Variants in ADPRHL1 observed in about 807,000 individuals in gnomAD.
The protein encoded by ADPRHL1 is ADP-ribosylhydrolase like 1.
ADPRHL1 carries 43 observed loss-of-function variants against 44.1 expected under a neutral mutation model. The ratio of observed to expected loss-of-function variants is 0.98; its 90% CI spans 0.76 to 1.26. The LOEUF is 1.26. Among genes scored for constraint, ADPRHL1 ranks in the 50% most tolerant of loss-of-function variants. The probability of loss-of-function intolerance (pLI) is 0.00; values close to 1 mark genes in which losing one functional copy is unlikely to be tolerated. For missense variants in ADPRHL1, 2,022 were observed against 2,496.9 expected (o/e 0.81, Z 4.05); for synonymous variants, 878 against 1,017.4 (o/e 0.86, Z 2.61).
At chr13:113,449,841 A>T (rs928106191) in intron 1 of ADPRHL1, among the ~76,000 whole-genome samples, 9 of 152,024 alleles carry the variant, frequency 5.9e-5, no homozygotes, top group Admixed American at 2.6e-4. Flanking sequence ...CCGTGATCTC[A>T]GCAGTCAGGG....
rs1316668691 is a variant in ADPRHL1, at chr13:113,400,752, T to A, written c.*2626A>T. ...TGCTGTTTTTGAGCTGAGGGCAGTG[T>A]CATGCTGGGCTGCATCTGGCACATG... On this transcript the variant is annotated 3_prime_UTR_variant, in exon 8 of 8. Coordinates refer to ENST00000612156, the MANE Select transcript of ADPRHL1 (RefSeq NM_001394807.1). The A allele has an allele frequency of 6.6e-6, 1 of 152,252 alleles. No homozygotes were observed. Among genetic ancestry groups the A allele is most frequent in the Non-Finnish European group, 1.5e-5 (1 of 68,082 alleles). The allele number at this position is 152,252 out of a possible 1,614,324, so 9.4% of individuals were successfully genotyped here. A position where few individuals can be genotyped will look rare whatever the true frequency, so the allele number is the denominator to read the frequency against.
At position 113,407,779 on chromosome 13, in the gene ADPRHL1, G is replaced by A. The variant is rs938341836; in HGVS notation, c.1503C>T (p.Thr501=). 68 of 1,232,086 alleles carry A rather than the reference G, an allele frequency of 5.5e-5. No individual in the cohort carries two copies. Among genetic ancestry groups the A allele is most frequent in the African/African-American group, 4.2e-4 (27 of 64,560 alleles). The allele number at this position is 1,232,086 out of a possible 1,614,324, so 76.3% of individuals were successfully genotyped here. A position where few individuals can be genotyped will look rare whatever the true frequency, so the allele number is the denominator to read the frequency against. The change falls in exon 8 of 8, where the codon ACC becomes ACT. Residue 501 remains threonine, a synonymous_variant. Coordinates refer to ENST00000612156, the MANE Select transcript of ADPRHL1 (RefSeq NM_001394807.1). The stretch of plus-strand genomic sequence containing the variant: ...AGAATATCTTCAGGATGTTTTTCAC[G>A]GTGCTCTTCCCGGCCGGGTGGCCCC... ...PRWGHPAGKS[T]VKNILKIFLA...
At chr13:113,448,423 G>A (rs2044156763) in intron 1 of ADPRHL1, among the ~76,000 whole-genome samples, 1 of 125,760 alleles carries the variant, frequency 8.0e-6, no homozygotes, top group Admixed American at 1.0e-4. Context: ...CCGAGATCGC[G>A]CCACTGTACT....
At position 113,422,936 on chromosome 13, in the gene ADPRHL1, C is replaced by T. The variant is rs142348945; in HGVS notation, c.951G>A (p.Gly317=). ...GAACGAGGTCCAGGCCGTACAGCAA[C>T]CCGAACAGGCAGCCTGCAATGGTGC... ...ATGTIAGCLF[G]LLYGLDLVPK... is the part of the protein sequence containing the mutation. Residue 317 remains glycine, a synonymous_variant, in exon 7 of 8, where the codon GGG becomes GGA. Transcript: ENST00000612156. 5.0e-6 allele frequency: 8 copies of T among 1,612,820 alleles called. No individual in the cohort carries two copies. In the African/African-American group the frequency reaches 1.1e-4, roughly 22 times the overall value.
intron 2 of ADPRHL1, among the ~76,000 whole-genome samples, chr13:113,440,316 G>C (rs2044088332): frequency 1.3e-5 from 2 of 152,136 alleles, no homozygotes; most frequent in Admixed American, 6.5e-5. Context: ...ATGTCCCCCT[G>C]ATGAACTGAT....
rs893919204 is a variant in ADPRHL1, at chr13:113,406,489, C to T, written c.2793G>A (p.Gly931=). ...GGACACTGTGGTCGGCGCCCACAGC[C>T]CCTCTTGCTGCTGCCAGACGCGGAG... ...RAAPRLAAAR[G]AVGADHSVPE... is the part of the protein sequence containing the mutation. Residue 931 remains glycine (G), a synonymous_variant, in exon 8 of 8, where the codon GGG becomes GGA. Coordinates refer to ENST00000612156, the MANE Select transcript of ADPRHL1 (RefSeq NM_001394807.1). 2.4e-6 allele frequency: 3 copies of T among 1,231,910 alleles called. No homozygotes were observed. The highest frequency in any genetic ancestry group is 3.0e-6 in the Non-Finnish European group (3 of 988,006). 76.3% of individuals were successfully genotyped at this position (1,231,910 alleles called of 1,614,324 possible). A position where few individuals can be genotyped will look rare whatever the true frequency, so the allele number is the denominator to read the frequency against.
At chr13:113,423,987 C>T (rs2043944935) in intron 6 of ADPRHL1, among the ~76,000 whole-genome samples, 1 of 152,218 alleles carries the variant, frequency 6.6e-6, no homozygotes, top group Non-Finnish European at 1.5e-5. Flanking sequence ...CAGGCACCTG[C>T]AGCTGCACCT....
chr13:113,435,367 G>A lies in ADPRHL1; in HGVS notation c.380-1500C>T, dbSNP rs193105058. Among the ~76,000 whole-genome samples the A allele has an allele frequency of 3.2e-3, 442 of 139,830 alleles. 16 individuals are homozygous for A. The highest frequency in any genetic ancestry group is 5.3e-3 in the Non-Finnish European group (348 of 65,914). The allele number at this position is 139,830 out of a possible 152,430, so 91.7% of individuals were successfully genotyped here. A position where few individuals can be genotyped will look rare whatever the true frequency, so the allele number is the denominator to read the frequency against. On this transcript the variant is annotated intron_variant, in intron 2 of 7. Transcript: ENST00000612156. The stretch of plus-strand genomic sequence containing the variant: ...CCGTGACCCAGCACCCAGGCGTAGA[G>A]TGAACATAGGTGTACCCCAGGACCT...
At chr13:113,444,841 T>C (rs2139649072) in intron 1 of ADPRHL1, among the ~76,000 whole-genome samples, 1 of 152,246 alleles carries the variant, frequency 6.6e-6, no homozygotes, top group South Asian at 2.1e-4. Context: ...GCCAGGATGG[T>C]CTCGATCTCC....
chr13:113,421,101 C>A (rs1411596052), intron 7 of ADPRHL1, among the ~76,000 whole-genome samples: 3 of 147,788 alleles, frequency 2.0e-5, no homozygotes, highest in South Asian at 2.2e-4. Context: ...ATCCCTACCC[C>A]CAGGACATGC....
chr13:113,432,009 C>G lies in ADPRHL1; in HGVS notation c.505+1733G>C, dbSNP rs554395189. On this transcript the variant is annotated intron_variant, in intron 3 of 7. Coordinates refer to ENST00000612156, the MANE Select transcript of ADPRHL1 (RefSeq NM_001394807.1). ...CTGGGATTACAGGCGTGAGCCACCG[C>G]GCCTGGCCGTGAAATAATTTTTAAA... Among the ~76,000 whole-genome samples the G allele has an allele frequency of 1.2e-4, 19 of 152,242 alleles. No homozygotes were observed. In the East Asian group the frequency reaches 3.3e-3, roughly 26 times the overall value.
chr13:113,429,610 G>C (rs187452029), intron 3 of ADPRHL1, among the ~76,000 whole-genome samples: 1 of 152,240 alleles, frequency 6.6e-6, no homozygotes, highest in African/African-American at 2.4e-5. Flanking sequence ...GGAACACCGC[G>C]TCACGTAGAC....
In ADPRHL1 at chr13:113,403,625, G is replaced by A; in HGVS notation, c.5657C>T (p.Thr1886Ile). ...GCCCCCAGCCTCAGGCTTGGGCTCA[G>A]TTGGGCTCTTTCCCAGCCCCAGGGG... ...TSPLGLGKSPTEPKPEAGGCG... is the reference protein window; with the variant it reads ...TSPLGLGKSPIEPKPEAGGCG... Residue 1886 changes from threonine (T) to isoleucine (I), a missense_variant, in exon 8 of 8, where the codon ACT becomes ATT. Physicochemically the swap from Thr to Ile is moderately conservative, Grantham distance 89 (BLOSUM62 -1). Coordinates refer to ENST00000612156, the MANE Select transcript of ADPRHL1 (RefSeq NM_001394807.1). 1 of 1,231,596 alleles carries A rather than the reference G, an allele frequency of 8.1e-7. No homozygotes were observed. The highest frequency in any genetic ancestry group is 1.0e-6 in the Non-Finnish European group (1 of 987,948). The allele number at this position is 1,231,596 out of a possible 1,614,324, so 76.3% of individuals were successfully genotyped here.
chr13:113,420,023 A>C (rs558129982), intron 7 of ADPRHL1, among the ~76,000 whole-genome samples: 29 of 151,120 alleles, frequency 1.9e-4, no homozygotes, highest in Non-Finnish European at 4.0e-4. Context: ...TCCTGGAAGG[A>C]GGCTTAGGCG....
Position 113,425,174 on chromosome 13 carries a change from G to T in ADPRHL1, c.652C>A (p.Gln218Lys), listed in dbSNP as rs546881825. ...RKTIRHTAEYQEHWFYFEAKW... is the reference protein window; with the variant it reads ...RKTIRHTAEYKEHWFYFEAKW... Reference sequence around the variant, plus strand: ...GCTTCAAAGTAAAACCAGTGCTCCTGGTATTCTAAACATAAAGAACAAGGG... The same window carrying T: ...GCTTCAAAGTAAAACCAGTGCTCCTTGTATTCTAAACATAAAGAACAAGGG... The change falls in exon 5 of 8, where the codon CAG becomes AAG. Residue 218 changes from glutamine to lysine, a missense_variant. Coordinates refer to ENST00000612156, the MANE Select transcript of ADPRHL1 (RefSeq NM_001394807.1). 1 of 1,427,398 alleles carries T rather than the reference G, an allele frequency of 7.0e-7. No homozygotes were observed. Among genetic ancestry groups the T allele is most frequent in the African/African-American group, 1.5e-5 (1 of 68,346 alleles). The allele number at this position is 1,427,398 out of a possible 1,614,324, so 88.4% of individuals were successfully genotyped here. A position where few individuals can be genotyped will look rare whatever the true frequency, so the allele number is the denominator to read the frequency against.
intron 7 of ADPRHL1, chr13:113,422,443 CG>C (rs553665485): frequency 1.1e-5 from 2 of 188,972 alleles, no homozygotes; most frequent in Non-Finnish European, 2.2e-5. Context: ...GGGTCTGCAG[CG>C]GGGGGGCCTG....
Position 113,440,450 on chromosome 13 carries a change from T to C in ADPRHL1, c.379+3975A>G, listed in dbSNP as rs149601781. On this transcript the variant is annotated intron_variant, in intron 2 of 7. Coordinates refer to ENST00000612156, the MANE Select transcript of ADPRHL1 (RefSeq NM_001394807.1). ...TTTGATTAGTGTTAGTGTGGTATAT[T>C]TTTCCATCTTTTTTTTTTTTTTTGA... is the stretch of plus-strand genomic sequence containing the variant. Among the ~76,000 whole-genome samples, 8 of 152,076 alleles carry C rather than the reference T, an allele frequency of 5.3e-5. No individual in the cohort carries two copies. The East Asian group carries it at 1.5e-3, about 29-fold the overall frequency.
At chr13:113,445,338 G>A (rs1023240188) in intron 1 of ADPRHL1, among the ~76,000 whole-genome samples, 1 of 152,254 alleles carries the variant, frequency 6.6e-6, no homozygotes, top group African/African-American at 2.4e-5. Context: ...TGCAAAGCCC[G>A]AGCATTTCTG....
At chr13:113,435,938 T>C (rs9796231) in intron 2 of ADPRHL1, among the ~76,000 whole-genome samples, 110,276 of 122,478 alleles carry the variant, frequency 0.9, 49,048 homozygotes, top group South Asian at 0.94. Flanking sequence ...CCCCGGGACC[T>C]GGCACCCAGG....
Sources: allele counts gnomAD v4.1 joint callset (sites outside exome capture counted in the v4.1 genomes callset), GRCh38; gene constraint gnomAD v4.1.1; transcripts MANE v1.5; gene names NCBI Gene and HGNC (gene_info 2026-07-23, HGNC 2026-07-21).